The following SMAD6 variants were observed in gnomAD, a reference collection of about 807,000 sequenced individuals.
The protein encoded by SMAD6 is SMAD family member 6.
In SMAD6, 103 loss-of-function variants were observed where a neutral mutation model predicts 39.4. That is an observed-to-expected ratio of 2.62 (90% confidence interval 2.23 to 3.08). The LOEUF (loss-of-function observed/expected upper bound fraction) is 3.08, where lower values mean the gene tolerates loss of function less well. Ranked by LOEUF, SMAD6 falls within the 30% of genes most tolerant of loss-of-function variation. The probability of loss-of-function intolerance (pLI) is 0.00; values close to 1 mark genes in which losing one functional copy is unlikely to be tolerated. For synonymous variants in SMAD6, 445 were observed against 353.3 expected (o/e 1.26, Z -2.91); for missense variants, 1,104 against 742.9 (o/e 1.49, Z -5.65).
At chr15:66,767,842 A>T (rs1242683774) in intron 3 of SMAD6, among the ~76,000 whole-genome samples, 2 of 151,284 alleles carry the variant, frequency 1.3e-5, no homozygotes, top group African/African-American at 4.8e-5. Flanking sequence ...AGAGGTGTGG[A>T]TCATGTATTT....
chr15:66,718,111 C>CGCGTGTGTGTGTGTGTGTGTGT (rs1893365797), intron 3 of SMAD6, among the ~76,000 whole-genome samples: 1 of 137,158 alleles, frequency 7.3e-6, no homozygotes, highest in African/African-American at 2.9e-5. Context: ...ATGGAAAGTC[C>CGCGTGTGTGTGTGTGTGTGTGT]GTGTGTGTGT....
chr15:66,736,371 G>A (rs1019758832), intron 3 of SMAD6, among the ~76,000 whole-genome samples: 16 of 152,182 alleles, frequency 1.1e-4, no homozygotes, highest in African/African-American at 2.4e-4. Context: ...TTAACTGGGC[G>A]TCCTATATTT....
rs184858311 is a variant in SMAD6, at chr15:66,718,091, A to G, written c.952+1593A>G. On this transcript the variant is annotated intron_variant, in intron 3 of 3. Coordinates refer to ENST00000288840, the MANE Select transcript of SMAD6 (RefSeq NM_005585.5). ...ATTTTTTGGCATCCTCTTTCTCCCT[A>G]TTGTTAATGATGGAAAGTCCGTGTG... Among the ~76,000 whole-genome samples the G allele has an allele frequency of 7.3e-3, 1,054 of 143,738 alleles. 6 individuals are homozygous for G. The highest frequency in any genetic ancestry group is 0.012 in the Non-Finnish European group (771 of 66,490). The allele number at this position is 143,738 out of a possible 152,430, so 94.3% of individuals were successfully genotyped here.
chr15:66,727,477 G>A (rs557472465), intron 3 of SMAD6, among the ~76,000 whole-genome samples: 3 of 152,312 alleles, frequency 2.0e-5, no homozygotes, highest in Non-Finnish European at 2.9e-5. Context: ...TGGGTTTGAA[G>A]GTGCAAGGTT....
At chr15:66,751,269 G>C (rs1046591695) in intron 3 of SMAD6, among the ~76,000 whole-genome samples, 3 of 152,168 alleles carry the variant, frequency 2.0e-5, no homozygotes, top group African/African-American at 7.2e-5. Context: ...TCCGAAGGTG[G>C]GGCCAGTCCC....
At chr15:66,771,116 G>C (rs1388061223) in intron 3 of SMAD6, among the ~76,000 whole-genome samples, 1 of 152,176 alleles carries the variant, frequency 6.6e-6, no homozygotes, top group Admixed American at 6.5e-5. Context: ...GGCATGGCCA[G>C]ACCGGTGAGC....
rs970735926 is a variant in SMAD6, at chr15:66,759,592, A to G, written c.953-21405A>G. On this transcript the variant is annotated intron_variant, in intron 3 of 3. Coordinates refer to ENST00000288840, the MANE Select transcript of SMAD6 (RefSeq NM_005585.5). The stretch of plus-strand genomic sequence containing the variant: ...TGATGATCTACATATGTATATCTTT[A>G]TAGATGCTCATCCCACCGTGCTTTG... Among the ~76,000 whole-genome samples, 3 of 152,338 alleles carry G rather than the reference A, an allele frequency of 2.0e-5. No individual in the cohort carries two copies. In the East Asian group the frequency reaches 5.8e-4, roughly 29 times the overall value.
At chr15:66,780,266 T>C (rs1420214777) in intron 3 of SMAD6, among the ~76,000 whole-genome samples, 2 of 152,146 alleles carry the variant, frequency 1.3e-5, no homozygotes, top group South Asian at 2.1e-4. Flanking sequence ...ACCAGGAGGC[T>C]AAGGCTGAGT....
intron 3 of SMAD6, among the ~76,000 whole-genome samples, chr15:66,771,546 C>G (rs545731042): frequency 6.6e-6 from 1 of 152,246 alleles, no homozygotes; most frequent in South Asian, 2.1e-4. Context: ...AGGTGGCCAC[C>G]GACAGGATAC....
rs1445623895 is a variant in SMAD6, at chr15:66,782,832, A to T, written c.*1297A>T. On this transcript the variant is annotated 3_prime_UTR_variant, in exon 4 of 4. Transcript: ENST00000288840. ...TGTGTATTATCTCTTGCTGCATAAT[A>T]AATTATCCCCAAACTTAGCAGCTTA... 6.6e-6 allele frequency: 1 copy of T among 152,244 alleles called. No homozygotes were observed. Among genetic ancestry groups the T allele is most frequent in the Non-Finnish European group, 1.5e-5 (1 of 68,038 alleles). 9.4% of individuals were successfully genotyped at this position (152,244 alleles called of 1,614,324 possible). A position where few individuals can be genotyped will look rare whatever the true frequency, so the allele number is the denominator to read the frequency against.
intron 3 of SMAD6, among the ~76,000 whole-genome samples, chr15:66,728,984 C>T (rs189192303): frequency 3.9e-4 from 60 of 152,350 alleles, no homozygotes; most frequent in African/African-American, 1.4e-3. Flanking sequence ...TTATTAGATA[C>T]TGTGCCAGAC....
intron 3 of SMAD6, among the ~76,000 whole-genome samples, chr15:66,743,357 C>G (rs1044891513): frequency 1.3e-5 from 2 of 152,194 alleles, no homozygotes; most frequent in East Asian, 1.9e-4. Flanking sequence ...GAGGAGGGCC[C>G]TCTGGGCTGG....
At chr15:66,704,438 A>G (rs1595757967) in intron 1 of SMAD6, 1 of 191,322 alleles carries the variant, frequency 5.2e-6, no homozygotes, top group African/African-American at 2.3e-5. Context: ...CAATTCCGGA[A>G]TCTACCCCAG....
At chr15:66,768,178 C>T (rs1352657741) in intron 3 of SMAD6, among the ~76,000 whole-genome samples, 1 of 151,856 alleles carries the variant, frequency 6.6e-6, no homozygotes, top group African/African-American at 2.4e-5. Context: ...TGCTATGTTG[C>T]CAGGGCACAT....
Position 66,747,925 on chromosome 15 carries a change from C to G in SMAD6, c.952+31427C>G, listed in dbSNP as rs560855506. ...AGTCTTCCCTGAGAGCCCTTTGCAC[C>G]CCACTTCTCTTTCTCCGGCATGAGG... On this transcript the variant is annotated intron_variant, in intron 3 of 3. Transcript: ENST00000288840. This position sits in a 1 kb window ranked among gnomAD's most constrained non-coding sequence, Gnocchi z 4.5. Among the ~76,000 whole-genome samples, 6 of 152,242 alleles carry G rather than the reference C, an allele frequency of 3.9e-5. No homozygotes were observed. The highest frequency in any genetic ancestry group is 1.4e-4 in the African/African-American group (6 of 41,534).
In SMAD6 at chr15:66,711,733, G is replaced by A. The variant is rs1417854571; in HGVS notation, c.874+9G>A. On this transcript the variant is annotated intron_variant, in intron 2 of 3. Transcript: ENST00000288840. ...CGAGTACAAGCCACTGGGTAAGTGT[G>A]CCCTCCTTCCTACCCTTGCAGAGGT... 1 of 1,610,742 alleles carries A rather than the reference G, an allele frequency of 6.2e-7. No homozygotes were observed. The highest frequency in any genetic ancestry group is 2.2e-5 in the East Asian group (1 of 44,862).
At chr15:66,759,725 C>A (rs1377135744) in intron 3 of SMAD6, among the ~76,000 whole-genome samples, 1 of 152,242 alleles carries the variant, frequency 6.6e-6, no homozygotes, top group Non-Finnish European at 1.5e-5. Context: ...ATCTTCACTG[C>A]TTTGTACAGT....
intron 3 of SMAD6, among the ~76,000 whole-genome samples, chr15:66,729,637 G>A (rs568634381): frequency 3.0e-4 from 45 of 152,296 alleles, no homozygotes; most frequent in African/African-American, 1.1e-3. Context: ...GGACTCCCAG[G>A]CCCTTCTGAG....
At chr15:66,777,251 A>C (rs1243292463) in intron 3 of SMAD6, among the ~76,000 whole-genome samples, 1 of 152,178 alleles carries the variant, frequency 6.6e-6, no homozygotes, top group Non-Finnish European at 1.5e-5. Context: ...AAGAGACCCC[A>C]GTTTTTGCCC....
Sources: allele counts gnomAD v4.1 joint callset (sites outside exome capture counted in the v4.1 genomes callset), GRCh38; gene constraint gnomAD v4.1.1; non-coding constraint Gnocchi (gnomAD v3.1); transcripts MANE v1.5; gene names NCBI Gene and HGNC (gene_info 2026-07-23, HGNC 2026-07-21).